NOS1: variants seen among roughly 807,000 people sequenced by gnomAD.
NOS1 encodes the protein NOS type I.
A neutral mutation model predicts 164.5 loss-of-function variants in NOS1; 51 were observed. That is an observed-to-expected ratio of 0.31 (90% confidence interval 0.25 to 0.39). The LOEUF (loss-of-function observed/expected upper bound fraction) is 0.39. Among genes scored for constraint, NOS1 ranks in the 10% least tolerant of loss-of-function variants. The pLI, the probability that NOS1 is intolerant of heterozygous loss-of-function variation, is 1.00. For synonymous variants in NOS1, 719 were observed against 745.8 expected (o/e 0.96, Z 0.59); for missense variants, 1,362 against 1,885.6 (o/e 0.72, Z 5.14).
At chr12:117,242,411 T>C (rs1476691058) in intron 20 of NOS1, among the ~76,000 whole-genome samples, 1 of 152,244 alleles carries the variant, frequency 6.6e-6, no homozygotes, top group Non-Finnish European at 1.5e-5. Flanking sequence ...CCTCTTTTCA[T>C]GAGACCAATA....
intron 18 of NOS1, chr12:117,245,546 T>C (rs1214399821): frequency 6.6e-6 from 1 of 152,472 alleles, no homozygotes; most frequent in East Asian, 1.9e-4. Context: ...TATAATTTAT[T>C]TTATTTAACA....
At chr12:117,323,219 T>C (rs998156398) in intron 2 of NOS1, among the ~76,000 whole-genome samples, 1 of 152,234 alleles carries the variant, frequency 6.6e-6, no homozygotes, top group Non-Finnish European at 1.5e-5. Context: ...GAGTCCCTCC[T>C]GTTGCTTGAA....
At chr12:117,255,589 T>C (rs1201323621) in intron 16 of NOS1, among the ~76,000 whole-genome samples, 1 of 152,196 alleles carries the variant, frequency 6.6e-6, no homozygotes, top group Non-Finnish European at 1.5e-5. Context: ...GTGTTGTTAG[T>C]GTGGGAGGAA....
At chr12:117,308,387 T>G (rs1367012547) in intron 3 of NOS1, among the ~76,000 whole-genome samples, 1 of 152,080 alleles carries the variant, frequency 6.6e-6, no homozygotes. Flanking sequence ...CACCAGCCTG[T>G]AGTCCTAGTT....
In NOS1 at chr12:117,358,266, G is replaced by A. The variant is rs1364625659; in HGVS notation, c.-421+3246C>T. On this transcript the variant is annotated intron_variant, in intron 1 of 28. Transcript: ENST00000317775. ...TGGACAACTGACTGAATGGTACCTC[G>A]GACAACTCTTTGCATCTTACTCACA... 5.3e-5 allele frequency among the ~76,000 whole-genome samples: 8 copies of A among 152,148 alleles called. No homozygotes were observed. In the East Asian group the frequency reaches 7.7e-4, roughly 15 times the overall value.
intron 3 of NOS1, among the ~76,000 whole-genome samples, chr12:117,299,657 AG>A: frequency 7.1e-6 from 1 of 141,224 alleles, no homozygotes; most frequent in Non-Finnish European, 1.5e-5. Context: ...AAAGAAAAAA[AG>A]AAAGTTGACA....
At position 117,242,711 on chromosome 12, in the gene NOS1, G is replaced by T; in HGVS notation, c.2963-6C>A. 6.2e-7 allele frequency: 1 copy of T among 1,613,784 alleles called. No individual in the cohort carries two copies. ...TTTGTGGACATTGGATAGACCTGTG[G>T]GGAGAAAAACAACAGTCTTCCTGAG... On this transcript the variant is annotated splice_polypyrimidine_tract_variant and splice_region_variant and intron_variant, in intron 19 of 28. Coordinates refer to ENST00000317775, the MANE Select transcript of NOS1 (RefSeq NM_000620.5).
intron 17 of NOS1, among the ~76,000 whole-genome samples, chr12:117,249,814 C>T (rs1348796390): frequency 6.6e-6 from 1 of 152,112 alleles, no homozygotes; most frequent in Admixed American, 6.6e-5. Flanking sequence ...TCCTGTAGGG[C>T]TGGTACACAG....
intron 2 of NOS1, among the ~76,000 whole-genome samples, chr12:117,321,655 A>T (rs1385269399): frequency 1.3e-5 from 2 of 152,128 alleles, no homozygotes; most frequent in Non-Finnish European, 2.9e-5. Flanking sequence ...ATTCAGGTTG[A>T]AGGCTAAGTT....
chr12:117,334,415 T>C (rs767506731), intron 1 of NOS1, among the ~76,000 whole-genome samples: 4 of 151,966 alleles, frequency 2.6e-5, no homozygotes, highest in South Asian at 4.2e-4. Context: ...CTTTTTTTTT[T>C]AGACAGAGTC....
chr12:117,263,575 C>T (rs1302330455), intron 13 of NOS1, among the ~76,000 whole-genome samples: 2 of 141,898 alleles, frequency 1.4e-5, no homozygotes, highest in African/African-American at 5.3e-5. Flanking sequence ...CAAGGTATTA[C>T]TATTATTATT....
At chr12:117,341,013 C>T (rs1343518867) in intron 1 of NOS1, among the ~76,000 whole-genome samples, 1 of 151,912 alleles carries the variant, frequency 6.6e-6, no homozygotes, top group Non-Finnish European at 1.5e-5. Context: ...ACATGAGCCA[C>T]TGTGCCCAGC....
chr12:117,329,879 G>T (rs1875442984), intron 2 of NOS1, among the ~76,000 whole-genome samples: 1 of 152,124 alleles, frequency 6.6e-6, no homozygotes, highest in African/African-American at 2.4e-5. Flanking sequence ...GTTGCCCAGG[G>T]CTCAGCTCTT....
At chr12:117,259,276 A>C (rs1376642679) in intron 14 of NOS1, 146 bp from the exon 15 acceptor site, 1 of 615,560 alleles carries the variant, frequency 1.6e-6, no homozygotes, top group African/African-American at 1.8e-5. Flanking sequence ...CTCCTTTGGA[A>C]GGAGAACCAA....
rs9658561 is a variant in NOS1, at chr12:117,214,399, C to A, written c.*910G>T. 6.9e-4 allele frequency: 683 copies of A among 985,354 alleles called. 6 individuals are homozygous for A. In the African/African-American group the frequency reaches 0.011, roughly 16 times the overall value. The allele number at this position is 985,354 out of a possible 1,614,324, so 61.0% of individuals were successfully genotyped here. On this transcript the variant is annotated 3_prime_UTR_variant, in exon 29 of 29. Coordinates refer to ENST00000317775, the MANE Select transcript of NOS1 (RefSeq NM_000620.5). ...TTCTTTGAACAACATAACTTCCAGGCCCCTTGGATGCTATTGCTGGAGGAG... is the reference window on the plus strand; with the variant it reads ...TTCTTTGAACAACATAACTTCCAGGACCCTTGGATGCTATTGCTGGAGGAG...
At chr12:117,351,961 G>A (rs1267018924) in intron 1 of NOS1, among the ~76,000 whole-genome samples, 1 of 152,126 alleles carries the variant, frequency 6.6e-6, no homozygotes, top group Admixed American at 6.5e-5. Context: ...TGGGTGGAAT[G>A]CTTGAGCCCA....
At chr12:117,229,883 C>T (rs1258991755) in intron 22 of NOS1, among the ~76,000 whole-genome samples, 1 of 152,130 alleles carries the variant, frequency 6.6e-6, no homozygotes, top group Non-Finnish European at 1.5e-5. Context: ...GCCACTGTGC[C>T]CGGCCTATTT....
In NOS1 at chr12:117,299,435, A is replaced by G. The variant is rs189768891; in HGVS notation, c.853-9009T>C. Among the ~76,000 whole-genome samples, 637 of 151,948 alleles carry G rather than the reference A, an allele frequency of 4.2e-3. 4 individuals are homozygous for G. The highest frequency in any genetic ancestry group is 0.014 in the African/African-American group (594 of 41,464). ...GGGCGGATCACGAGGTCAGGAGATCAAGACCATCCTGGCTAACACGGTGAA... is the reference window on the plus strand; with the variant it reads ...GGGCGGATCACGAGGTCAGGAGATCGAGACCATCCTGGCTAACACGGTGAA... On this transcript the variant is annotated intron_variant, in intron 3 of 28. Coordinates refer to ENST00000317775, the MANE Select transcript of NOS1 (RefSeq NM_000620.5).
chr12:117,347,026 C>A (rs1336555336), intron 1 of NOS1, among the ~76,000 whole-genome samples: 1 of 152,072 alleles, frequency 6.6e-6, no homozygotes, highest in Non-Finnish European at 1.5e-5. Flanking sequence ...GTGGCTCACA[C>A]CTGTAATCCC....
Sources: allele counts gnomAD v4.1 joint callset (sites outside exome capture counted in the v4.1 genomes callset), GRCh38; gene constraint gnomAD v4.1.1; transcripts MANE v1.5; gene names NCBI Gene and HGNC (gene_info 2026-07-23, HGNC 2026-07-21).